Variants in PTPN9 observed in about 807,000 individuals in gnomAD.
PTPN9 encodes tyrosine-protein phosphatase non-receptor type 9.
In PTPN9, 26 loss-of-function variants were observed where a neutral mutation model predicts 69.8. The observed-to-expected ratio is 0.37, with a 90% CI of 0.27 to 0.52. The LOEUF is 0.52. Among genes scored for constraint, PTPN9 ranks in the 20% least tolerant of loss-of-function variants. The pLI is 0.91. For synonymous variants in PTPN9, 274 were observed against 272.5 expected, an observed-to-expected ratio of 1.01 and a Z score of -0.05; for missense variants, 549 against 740.3, an observed-to-expected ratio of 0.74 and a Z score of 3.00.
chr15:75,559,048 A>G (rs1372681369), intron 1 of PTPN9, among the ~76,000 whole-genome samples: 1 of 142,836 alleles, frequency 7.0e-6, no homozygotes, highest in South Asian at 2.2e-4. Context: ...AGTGAGGAGC[A>G]CCTCTTCCCG....
At chr15:75,572,159 C>T (rs993882422) in intron 1 of PTPN9, among the ~76,000 whole-genome samples, 1 of 151,904 alleles carries the variant, frequency 6.6e-6, no homozygotes, top group Non-Finnish European at 1.5e-5. Flanking sequence ...TGGTGAAATC[C>T]CATCTCTACT....
At chr15:75,495,076 CACAG>C (rs1341757397) in intron 7 of PTPN9, among the ~76,000 whole-genome samples, 5 of 152,056 alleles carry the variant, frequency 3.3e-5, no homozygotes, top group African/African-American at 9.7e-5. Context: ...TCAGACAATT[CACAG>C]ACAGCATCAC....
chr15:75,527,874 G>A lies in PTPN9; in HGVS notation c.64-613C>T, dbSNP rs538316069. Among the ~76,000 whole-genome samples the A allele has an allele frequency of 2.0e-3, 299 of 150,102 alleles. 1 individual carries two copies. Among genetic ancestry groups the A allele is most frequent in the African/African-American group, 6.9e-3 (284 of 40,924 alleles). On this transcript the variant is annotated intron_variant, in intron 1 of 12. Coordinates refer to ENST00000618819, the MANE Select transcript of PTPN9 (RefSeq NM_002833.4). ...TGTCTCAAAAAAAAAAAGAAAGAAA[G>A]AAAAAAAAAGAAAACAAAAAGAAAA...
chr15:75,541,553 C>T (rs973338746), intron 1 of PTPN9, among the ~76,000 whole-genome samples: 3 of 151,564 alleles, frequency 2.0e-5, no homozygotes, highest in Non-Finnish European at 4.4e-5. Flanking sequence ...ACTACAGGTG[C>T]GCGCCACCAT....
chr15:75,495,745 A>G (rs1273256519), intron 7 of PTPN9, among the ~76,000 whole-genome samples: 1 of 152,032 alleles, frequency 6.6e-6, no homozygotes, highest in African/African-American at 2.4e-5. Flanking sequence ...AACAACAACA[A>G]TAAAAAACAA....
At chr15:75,520,448 A>AGATC in intron 4 of PTPN9, among the ~76,000 whole-genome samples, 1 of 132,704 alleles carries the variant, frequency 7.5e-6, no homozygotes, top group Admixed American at 7.5e-5. Flanking sequence ...ATAGATAGAT[A>AGATC]GATAGATAGA....
At chr15:75,472,687 G>A (rs899029750) in intron 10 of PTPN9, among the ~76,000 whole-genome samples, 2 of 149,848 alleles carry the variant, frequency 1.3e-5, no homozygotes, top group African/African-American at 4.9e-5. Flanking sequence ...AGCTACTCAG[G>A]AGAATCACTT....
At chr15:75,530,264 C>T (rs963922398) in intron 1 of PTPN9, among the ~76,000 whole-genome samples, 4 of 137,482 alleles carry the variant, frequency 2.9e-5, no homozygotes, top group African/African-American at 5.4e-5. Flanking sequence ...GGGCTAGGCA[C>T]GGTGGCTCAT....
chr15:75,540,413 C>T (rs535571991), intron 1 of PTPN9, among the ~76,000 whole-genome samples: 24 of 152,012 alleles, frequency 1.6e-4, no homozygotes, highest in African/African-American at 2.4e-4. Flanking sequence ...ATTAGCCAGA[C>T]GTGGTGGCAC....
Position 75,563,624 on chromosome 15 carries a change from T to C in PTPN9, c.63+15090A>G, listed in dbSNP as rs537799070. On this transcript the variant is annotated intron_variant, in intron 1 of 12. Coordinates refer to ENST00000618819, the MANE Select transcript of PTPN9 (RefSeq NM_002833.4). ...GTGTATATGTACCACATTTTCTTTATGCAGTCAACTGCTGATGGGCACTAA... is the reference window on the plus strand; with the variant it reads ...GTGTATATGTACCACATTTTCTTTACGCAGTCAACTGCTGATGGGCACTAA... 3.3e-5 allele frequency among the ~76,000 whole-genome samples: 5 copies of C among 152,242 alleles called. No homozygotes were observed. In the East Asian group the frequency reaches 9.6e-4, roughly 29 times the overall value.
chr15:75,548,111 G>A (rs1489909491), intron 1 of PTPN9, among the ~76,000 whole-genome samples: 2 of 152,076 alleles, frequency 1.3e-5, no homozygotes, highest in Non-Finnish European at 2.9e-5. Flanking sequence ...TAGGTAACTT[G>A]TCCAAAGTCC....
intron 1 of PTPN9, among the ~76,000 whole-genome samples, chr15:75,552,738 G>C (rs1235699195): frequency 6.7e-6 from 1 of 149,604 alleles, no homozygotes; most frequent in Non-Finnish European, 1.5e-5. Flanking sequence ...CCCACAGTAA[G>C]TCAAAAAGCA....
intron 1 of PTPN9, among the ~76,000 whole-genome samples, chr15:75,553,437 G>A (rs2075063973): frequency 6.6e-6 from 1 of 152,080 alleles, no homozygotes; most frequent in Non-Finnish European, 1.5e-5. Context: ...AGGGTCACCG[G>A]CAAATTAGAA....
Position 75,467,671 on chromosome 15 carries a change from T to A in PTPN9, c.*1098A>T, listed in dbSNP as rs2074542492. ...TCCTCCCAGGGAGGTATTTTCTTAGTGGTTTTTTCTTTCTCATACCTGGGC... is the reference window on the plus strand; with the variant it reads ...TCCTCCCAGGGAGGTATTTTCTTAGAGGTTTTTTCTTTCTCATACCTGGGC... On this transcript the variant is annotated 3_prime_UTR_variant, in exon 13 of 13. Transcript: ENST00000618819. 6.6e-6 allele frequency: 1 copy of A among 152,410 alleles called. No homozygotes were observed. The allele number at this position is 152,410 out of a possible 1,614,324, so 9.4% of individuals were successfully genotyped here. A position where few individuals can be genotyped will look rare whatever the true frequency, so the allele number is the denominator to read the frequency against.
At chr15:75,556,864 A>G (rs916190935) in intron 1 of PTPN9, among the ~76,000 whole-genome samples, 3 of 151,958 alleles carry the variant, frequency 2.0e-5, no homozygotes, top group Admixed American at 6.6e-5. Flanking sequence ...CCCCTTCCCA[A>G]CTTTCCACAG....
intron 1 of PTPN9, among the ~76,000 whole-genome samples, chr15:75,569,569 G>C (rs1230312727): frequency 6.6e-6 from 1 of 151,504 alleles, no homozygotes; most frequent in African/African-American, 2.4e-5. Flanking sequence ...GCTGGGCGTG[G>C]TGGCGGGCAC....
intron 6 of PTPN9, among the ~76,000 whole-genome samples, chr15:75,506,752 G>T (rs2074821504): frequency 6.6e-6 from 1 of 151,960 alleles, no homozygotes; most frequent in Non-Finnish European, 1.5e-5. Context: ...TAGCTTAACT[G>T]GTTCTCCTTA....
chr15:75,556,965 G>C (rs1052108136), intron 1 of PTPN9, among the ~76,000 whole-genome samples: 2 of 152,070 alleles, frequency 1.3e-5, no homozygotes, highest in Non-Finnish European at 2.9e-5. Context: ...CCTGTGTCTG[G>C]CTTATTTCAT....
chr15:75,489,589 G>GA (rs1405801460), intron 8 of PTPN9, among the ~76,000 whole-genome samples: 6 of 146,160 alleles, frequency 4.1e-5, no homozygotes, highest in Non-Finnish European at 6.0e-5. Context: ...TCTTGAGGGA[G>GA]AAAAAAAAAA....
Sources: allele counts gnomAD v4.1 joint callset (sites outside exome capture counted in the v4.1 genomes callset), GRCh38; gene constraint gnomAD v4.1.1; transcripts MANE v1.5; gene names NCBI Gene and HGNC (gene_info 2026-07-23, HGNC 2026-07-21).